HYLS1: variants seen among roughly 807,000 people sequenced by gnomAD.
HYLS1 encodes the protein centriolar and ciliogenesis-associated protein HYLS1.
HYLS1 carries 25 observed loss-of-function variants against 29.4 expected under a neutral mutation model. The ratio of observed to expected loss-of-function variants is 0.85; its 90% CI spans 0.62 to 1.19. The LOEUF is 1.19. Ranked by LOEUF, HYLS1 falls within the 50% of genes most tolerant of loss-of-function variation. HYLS1 has a pLI of 0.00. For missense variants in HYLS1, 352 were observed against 365.1 expected, an observed-to-expected ratio of 0.96 and a Z score of 0.29; for synonymous variants, 128 against 126.7, an observed-to-expected ratio of 1.01 and a Z score of -0.07.
chr11:125,894,102 C>T, intron 2 of HYLS1: 1 of 1,614,132 alleles, frequency 6.2e-7, no homozygotes, highest in Non-Finnish European at 8.5e-7. Flanking sequence ...GGTCCTATTC[C>T]ACAGGGTACT....
upstream of HYLS1, among the ~76,000 whole-genome samples, chr11:125,884,956 C>T (rs753804901): frequency 5.3e-5 from 8 of 151,840 alleles, no homozygotes; most frequent in Non-Finnish European, 8.8e-5. Flanking sequence ...AAGGTTTGAC[C>T]GGGGTTCAGT....
chr11:125,887,634 G>A (rs1188224242), upstream of HYLS1: 1 of 152,346 alleles, frequency 6.6e-6, no homozygotes, highest in African/African-American at 2.4e-5. Context: ...CTCAGCGGTC[G>A]GCGGTTAACC....
upstream of HYLS1, among the ~76,000 whole-genome samples, chr11:125,885,911 T>C (rs1375447988): frequency 6.6e-6 from 1 of 152,192 alleles, no homozygotes; most frequent in Non-Finnish European, 1.5e-5. Flanking sequence ...CCTGATGATC[T>C]GTCACTGTCT....
chr11:125,887,837 C>T (rs1277977322), intron 1 of HYLS1, 72 bp downstream of exon 1: 2 of 149,994 alleles, frequency 1.3e-5, no homozygotes, highest in Non-Finnish European at 2.9e-5. Context: ...CGGCGGGAGC[C>T]CTCGCTCCTT....
Position 125,900,320 on chromosome 11 carries a change from A to G in HYLS1, c.*52A>G, listed in dbSNP as rs746008145. The G allele has an allele frequency of 4.5e-6, 7 of 1,541,304 alleles. No individual in the cohort carries two copies. The highest frequency in any genetic ancestry group is 1.7e-5 in the Admixed American group (1 of 59,660). ...TGTTTGAGATAACCTAGCTCTTTAT[A>G]TCTTCCCTTTTAAATAGAAACAACT... On this transcript the variant is annotated 3_prime_UTR_variant, in exon 3 of 3. Transcript: ENST00000425380.
At chr11:125,893,081 A>G (rs1024309659) in intron 2 of HYLS1, among the ~76,000 whole-genome samples, 3 of 152,202 alleles carry the variant, frequency 2.0e-5, no homozygotes, top group Non-Finnish European at 4.4e-5. Flanking sequence ...TATCTCCTCT[A>G]TAAGAACTTG....
chr11:125,899,539 C>T lies in HYLS1; in HGVS notation c.171C>T (p.Ala57=), dbSNP rs1415755875. The change falls in exon 3 of 3, where the codon GCC becomes GCT. Residue 57 remains alanine (A), a synonymous_variant. Coordinates refer to ENST00000425380, the MANE Select transcript of HYLS1 (RefSeq NM_001134793.2). The part of the protein sequence containing the change: ...QYDPYSKASV[A]PGKRPALPVQ... ...ATCCCTACAGTAAAGCTTCAGTAGC[C>T]CCAGGGAAGCGACCTGCTCTTCCTG... The T allele has an allele frequency of 4.3e-6, 7 of 1,613,924 alleles. No individual in the cohort carries two copies. Among genetic ancestry groups the T allele is most frequent in the Admixed American group, 1.7e-5 (1 of 59,990 alleles).
chr11:125,899,475 AAGG>A lies in HYLS1; in HGVS notation c.110_112del (p.Gly37del). On this transcript the variant is annotated inframe_deletion, in exon 3 of 3. Coordinates refer to ENST00000425380, the MANE Select transcript of HYLS1 (RefSeq NM_001134793.2). ...ACCCACATCTGTGCAGGGCAGGGTG[AAGG>A]AGATGTCAGGAGAGAAGCCCAATCT... is the stretch of plus-strand genomic sequence containing the variant. 1 of 1,614,182 alleles carries A rather than the reference AAGG, an allele frequency of 6.2e-7. No individual in the cohort carries two copies. Among genetic ancestry groups the A allele is most frequent in the Non-Finnish European group, 8.5e-7 (1 of 1,180,014 alleles).
rs1412470640 is a variant in HYLS1 at position 125,899,389 on chromosome 11, T to C, written c.21T>C (p.Asp7=). 1.2e-6 allele frequency: 2 copies of C among 1,614,212 alleles called. No individual in the cohort carries two copies. Among genetic ancestry groups the C allele is most frequent in the Non-Finnish European group, 1.7e-6 (2 of 1,180,028 alleles). Residue 7 remains aspartate, a synonymous_variant, in exon 3 of 3, where the codon GAT becomes GAC. Coordinates refer to ENST00000425380, the MANE Select transcript of HYLS1 (RefSeq NM_001134793.2). MEELLP[D]GQIWANMDPE... Reference sequence around the variant, plus strand: ...AAGCAATGGAAGAACTTCTACCTGATGGACAAATATGGGCTAATATGGATC... The same window carrying C: ...AAGCAATGGAAGAACTTCTACCTGACGGACAAATATGGGCTAATATGGATC...
upstream of HYLS1, among the ~76,000 whole-genome samples, chr11:125,885,381 G>A (rs1363664298): frequency 1.3e-5 from 2 of 152,130 alleles, no homozygotes; most frequent in East Asian, 1.9e-4. Flanking sequence ...AACCTGGGAG[G>A]TGGAGGTTGC....
chr11:125,900,134 C>G lies in HYLS1; in HGVS notation c.766C>G (p.Gln256Glu), dbSNP rs1478698385. The change falls in exon 3 of 3, where the codon CAG (glutamine) becomes GAG (glutamate). Residue 256 changes from glutamine to glutamate, a missense_variant. Coordinates refer to ENST00000425380, the MANE Select transcript of HYLS1 (RefSeq NM_001134793.2). ...LCRAEPQSKP[Q>E]HIYVPNNYLV... The stretch of plus-strand genomic sequence containing the variant: ...TCGAGCAGAACCCCAATCCAAACCT[C>G]AGCATATATATGTCCCAAACAATTA... 2 of 1,614,064 alleles carry G rather than the reference C, an allele frequency of 1.2e-6. No homozygotes were observed. Among genetic ancestry groups the G allele is most frequent in the Non-Finnish European group, 8.5e-7 (1 of 1,180,052 alleles).
intron 2 of HYLS1, among the ~76,000 whole-genome samples, chr11:125,892,807 C>T (rs1325840131): frequency 2.0e-5 from 3 of 152,146 alleles, no homozygotes; most frequent in Non-Finnish European, 4.4e-5. Flanking sequence ...ACAATTCTAT[C>T]GGGCATGTAA....
intron 2 of HYLS1, among the ~76,000 whole-genome samples, chr11:125,898,591 C>T (rs2134254116): frequency 6.6e-6 from 1 of 152,082 alleles, no homozygotes; most frequent in South Asian, 2.1e-4. Flanking sequence ...ACAGGATAAT[C>T]GCTTGAACCC....
intron 2 of HYLS1, among the ~76,000 whole-genome samples, chr11:125,892,022 T>C (rs1374401013): frequency 1.3e-5 from 2 of 152,228 alleles, no homozygotes; most frequent in East Asian, 3.8e-4. Context: ...ACCTGAAGTC[T>C]TGAACATGGG....
intron 2 of HYLS1, chr11:125,895,564 C>T: frequency 6.2e-7 from 1 of 1,614,178 alleles, no homozygotes; most frequent in Non-Finnish European, 8.5e-7. Context: ...TCTAAATCAG[C>T]ACGAGGGAAA....
At chr11:125,897,778 A>C (rs542853491) in intron 2 of HYLS1, among the ~76,000 whole-genome samples, 2 of 152,332 alleles carry the variant, frequency 1.3e-5, no homozygotes, top group African/African-American at 2.4e-5. Flanking sequence ...GCTTCTTTGG[A>C]GGTAAACATT....
At chr11:125,898,738 G>A (rs780946953) in intron 2 of HYLS1, among the ~76,000 whole-genome samples, 3 of 151,462 alleles carry the variant, frequency 2.0e-5, no homozygotes, top group Admixed American at 1.3e-4. Context: ...TTATATGTGT[G>A]TGAGAGAACA....
At chr11:125,885,279 T>C (rs1286487692), upstream of HYLS1, among the ~76,000 whole-genome samples, 2 of 152,040 alleles carry the variant, frequency 1.3e-5, no homozygotes, top group African/African-American at 2.4e-5. Context: ...GATGAAACCC[T>C]GTCTCTACTA....
In HYLS1 at chr11:125,893,954, C is replaced by T. The variant is rs748393578; in HGVS notation, c.-26+2482C>T. The T allele has an allele frequency of 8.1e-6, 13 of 1,614,020 alleles. No individual in the cohort carries two copies. The East Asian group carries it at 1.8e-4, about 22-fold the overall frequency. On this transcript the variant is annotated intron_variant, in intron 2 of 2. Coordinates refer to ENST00000425380, the MANE Select transcript of HYLS1 (RefSeq NM_001134793.2). ...TCCCCTACGTACAAAATGCTGGATC[C>T]GGGATTCCAGTCCTTGGCATTTAGG...
Sources: allele counts gnomAD v4.1 joint callset (sites outside exome capture counted in the v4.1 genomes callset), GRCh38; gene constraint gnomAD v4.1.1; transcripts MANE v1.5; gene names NCBI Gene and HGNC (gene_info 2026-07-23, HGNC 2026-07-21).